DLG2: variants seen among roughly 807,000 people sequenced by gnomAD.
DLG2 encodes the protein disks large homolog 2.
DLG2 carries 45 observed loss-of-function variants against 132.5 expected under a neutral mutation model. That is an observed-to-expected ratio of 0.34 (90% CI 0.27 to 0.44). The LOEUF (loss-of-function observed/expected upper bound fraction) is 0.44. DLG2 is among the 20% of genes least tolerant of loss of function. The pLI is 1.00. For missense variants in DLG2, 1,045 were observed against 1,196.9 expected (o/e 0.87, Z 1.87); for synonymous variants, 424 against 419.6 (o/e 1.01, Z -0.13).
chr11:83,720,030 C>T (rs755944744), intron 18 of DLG2, among the ~76,000 whole-genome samples: 14 of 151,924 alleles, frequency 9.2e-5, no homozygotes, highest in Admixed American at 5.9e-4. Flanking sequence ...CAGTGGCTCA[C>T]GCCTGTAATC....
intron 4 of DLG2, among the ~76,000 whole-genome samples, chr11:85,196,840 A>T (rs1019065994): frequency 6.6e-6 from 1 of 152,222 alleles, no homozygotes; most frequent in Admixed American, 6.5e-5. Context: ...AATATAAAGG[A>T]AAGTGTTAAG....
At chr11:84,951,470 G>C (rs1365133761) in intron 6 of DLG2, among the ~76,000 whole-genome samples, 2 of 151,962 alleles carry the variant, frequency 1.3e-5, no homozygotes, top group Non-Finnish European at 2.9e-5. Flanking sequence ...TAATTATTAA[G>C]ACCAGAGCAT....
chr11:83,589,909 A>G (rs1280464732), intron 19 of DLG2, among the ~76,000 whole-genome samples: 14 of 145,186 alleles, frequency 9.6e-5, no homozygotes, highest in African/African-American at 3.3e-4. Flanking sequence ...ATTACATAAT[A>G]GTAAAGGGAT....
intron 9 of DLG2, among the ~76,000 whole-genome samples, chr11:84,149,777 T>C (rs1461248390): frequency 1.3e-5 from 2 of 152,040 alleles, no homozygotes; most frequent in Non-Finnish European, 2.9e-5. Flanking sequence ...AGTCTCACTC[T>C]GTCACCCAAT....
chr11:85,623,092 A>T (rs959693472), intron 2 of DLG2, among the ~76,000 whole-genome samples: 1 of 152,006 alleles, frequency 6.6e-6, no homozygotes, highest in African/African-American at 2.4e-5. Context: ...ATTATATAAC[A>T]TTCTTCAGCT....
At chr11:85,522,825 A>T (rs2153180788) in intron 3 of DLG2, among the ~76,000 whole-genome samples, 1 of 152,280 alleles carries the variant, frequency 6.6e-6, no homozygotes. Flanking sequence ...TGAATCTAGG[A>T]AGTATCTAAC....
At chr11:83,724,456 TCC>T (rs2089496172) in intron 18 of DLG2, among the ~76,000 whole-genome samples, 5 of 122,064 alleles carry the variant, frequency 4.1e-5, no homozygotes, top group African/African-American at 1.5e-4. Flanking sequence ...AATCTCTCTC[TCC>T]GTGTGTGTGT....
intron 3 of DLG2, among the ~76,000 whole-genome samples, chr11:85,397,618 G>C (rs1045747822): frequency 6.6e-6 from 1 of 152,062 alleles, no homozygotes; most frequent in South Asian, 2.1e-4. Flanking sequence ...AAAAAAGCAG[G>C]AGTTGCAATC....
At chr11:84,942,421 C>A (rs1259144842) in intron 6 of DLG2, among the ~76,000 whole-genome samples, 1 of 151,956 alleles carries the variant, frequency 6.6e-6, no homozygotes, top group East Asian at 1.9e-4. Flanking sequence ...TTGGTATATT[C>A]TGTCTCCATT....
intron 6 of DLG2, among the ~76,000 whole-genome samples, chr11:84,699,118 C>T (rs2058930403): frequency 6.6e-6 from 1 of 151,424 alleles, no homozygotes; most frequent in Non-Finnish European, 1.5e-5. Flanking sequence ...CTCTTCAGAC[C>T]TCAGCTACAC....
At chr11:83,849,907 C>G (rs902943037) in intron 16 of DLG2, among the ~76,000 whole-genome samples, 55 of 152,162 alleles carry the variant, frequency 3.6e-4, no homozygotes, top group African/African-American at 1.3e-3. Context: ...AGCAAAATGT[C>G]TAGCAAACAA....
chr11:84,908,538 G>A (rs560345065), intron 6 of DLG2, among the ~76,000 whole-genome samples: 1 of 152,052 alleles, frequency 6.6e-6, no homozygotes, highest in Non-Finnish European at 1.5e-5. Context: ...TTATTGTTAT[G>A]GCTGAATTTG....
chr11:85,262,372 T>G (rs1330204147), intron 4 of DLG2, among the ~76,000 whole-genome samples: 1 of 152,066 alleles, frequency 6.6e-6, no homozygotes, highest in Non-Finnish European at 1.5e-5. Context: ...TGCCTAGGCC[T>G]TTCCTGGGCC....
At chr11:84,144,875 T>C (rs2095013745) in intron 9 of DLG2, among the ~76,000 whole-genome samples, 1 of 152,210 alleles carries the variant, frequency 6.6e-6, no homozygotes, top group Non-Finnish European at 1.5e-5. Flanking sequence ...CCAAAGCTGT[T>C]ATGATTTGTT....
At chr11:83,710,573 T>C (rs1566646306) in intron 18 of DLG2, among the ~76,000 whole-genome samples, 1 of 152,192 alleles carries the variant, frequency 6.6e-6, no homozygotes, top group Non-Finnish European at 1.5e-5. Flanking sequence ...GGTATTGGAA[T>C]GACAGAAGAG....
intron 19 of DLG2, among the ~76,000 whole-genome samples, chr11:83,602,590 C>T (rs61899983): frequency 0.023 from 3,551 of 152,278 alleles, 60 homozygotes; most frequent in Non-Finnish European, 0.039. Flanking sequence ...GGCCTGGGCC[C>T]GGCAGACTGA....
In DLG2 at chr11:85,531,435, T is replaced by C. The variant is rs539359449; in HGVS notation, c.40+67222A>G. Among the ~76,000 whole-genome samples the C allele has an allele frequency of 8.5e-5, 13 of 152,382 alleles. No individual in the cohort carries two copies. In the East Asian group the frequency reaches 2.3e-3, roughly 27 times the overall value. ...ACTCAATTCAATACACATGTTTTTA[T>C]ATCTGCTTTGTGCCAGCACTTTGGG... is the stretch of plus-strand genomic sequence containing the variant. On this transcript the variant is annotated intron_variant, in intron 3 of 27. Transcript: ENST00000376104.
intron 6 of DLG2, among the ~76,000 whole-genome samples, chr11:84,934,505 T>G (rs1285437934): frequency 1.5e-5 from 1 of 68,638 alleles, no homozygotes; most frequent in African/African-American, 9.8e-5. Context: ...GTCCTGGGTG[T>G]TTTTTTTTTG....
At chr11:85,021,314 C>T (rs1391099109) in intron 6 of DLG2, 16 of 1,259,566 alleles carry the variant, frequency 1.3e-5, no homozygotes, top group Admixed American at 3.4e-5. Flanking sequence ...CACTGAAAGT[C>T]ATAGTCTAAG....
Sources: allele counts gnomAD v4.1 joint callset (sites outside exome capture counted in the v4.1 genomes callset), GRCh38; gene constraint gnomAD v4.1.1; transcripts MANE v1.5; gene names NCBI Gene and HGNC (gene_info 2026-07-23, HGNC 2026-07-21).